IL1RAPL2: variants seen among roughly 807,000 people sequenced by gnomAD.
IL1RAPL2 encodes X-linked interleukin-1 receptor accessory protein-like 2.
Under a neutral mutation model 44.1 loss-of-function variants are expected in IL1RAPL2, and 3 were observed. The observed-to-expected ratio is 0.07, with a 90% confidence interval of 0.03 to 0.18. The LOEUF is 0.18. Among genes scored for constraint, IL1RAPL2 ranks in the 10% least tolerant of loss-of-function variants. The pLI, the probability that IL1RAPL2 is intolerant of heterozygous loss-of-function variation, is 1.00. For missense variants in IL1RAPL2, 391 were observed against 496.4 expected (o/e 0.79, Z 2.02); for synonymous variants, 181 against 178.8 (o/e 1.01, Z -0.10).
intron 2 of IL1RAPL2, among the ~76,000 whole-genome samples, chrX:105,139,694 A>T (rs2033108916): frequency 9.0e-6 from 1 of 111,508 alleles, no homozygotes; most frequent in Non-Finnish European, 1.9e-5. Flanking sequence ...AATCCCATTC[A>T]TGAGGGCTCT....
chrX:105,436,544 T>C (rs890936994), intron 5 of IL1RAPL2, among the ~76,000 whole-genome samples: 1 of 111,459 alleles, frequency 9.0e-6, no homozygotes, highest in Non-Finnish European at 1.9e-5. Context: ...TTTCTCTCAG[T>C]TTTCAGGATA....
At chrX:105,554,897 C>G (rs951883210) in intron 6 of IL1RAPL2, among the ~76,000 whole-genome samples, 1 of 110,744 alleles carries the variant, frequency 9.0e-6, no homozygotes, top group Non-Finnish European at 1.9e-5. Context: ...TTTCTATTGA[C>G]TGATTTTTTT....
chrX:105,095,791 G>T (rs2032597426), intron 2 of IL1RAPL2, among the ~76,000 whole-genome samples: 1 of 111,818 alleles, frequency 8.9e-6, no homozygotes, highest in African/African-American at 3.2e-5. Flanking sequence ...GGACAATGGT[G>T]TCTTAAATAT....
intron 5 of IL1RAPL2, among the ~76,000 whole-genome samples, chrX:105,384,202 C>A (rs2035459256): frequency 9.0e-6 from 1 of 111,528 alleles, no homozygotes; most frequent in African/African-American, 3.3e-5. Flanking sequence ...TGTCCTGAAG[C>A]ATTTCCCCAA....
chrX:105,168,175 G>A (rs2033387500), intron 2 of IL1RAPL2, among the ~76,000 whole-genome samples: 2 of 111,945 alleles, frequency 1.8e-5, no homozygotes, highest in African/African-American at 6.5e-5. Flanking sequence ...ACAGGCCTGG[G>A]ATGGCCAGCC....
intron 5 of IL1RAPL2, among the ~76,000 whole-genome samples, chrX:105,433,231 C>A (rs943525245): frequency 7.2e-5 from 8 of 110,640 alleles, no homozygotes; most frequent in African/African-American, 2.6e-4. Context: ...ACATTTCTCA[C>A]ATTTGTACAC....
intron 2 of IL1RAPL2, among the ~76,000 whole-genome samples, chrX:105,055,736 G>C (rs1469981247): frequency 9.0e-6 from 1 of 111,176 alleles, no homozygotes; most frequent in Non-Finnish European, 1.9e-5. Context: ...CTTTAGAATT[G>C]CCCACAGTTA....
At chrX:105,353,706 A>G (rs2035176730) in intron 5 of IL1RAPL2, among the ~76,000 whole-genome samples, 1 of 111,095 alleles carries the variant, frequency 9.0e-6, no homozygotes, top group Non-Finnish European at 1.9e-5. Flanking sequence ...TGTGAATGGG[A>G]GTTCACTCAT....
intron 2 of IL1RAPL2, among the ~76,000 whole-genome samples, chrX:104,664,828 T>G (rs1191746352): frequency 8.9e-6 from 1 of 111,733 alleles, no homozygotes; most frequent in Admixed American, 9.6e-5. Context: ...ATTTCCTTTT[T>G]CCACAGTGAG....
At chrX:105,178,296 A>G (rs1374476495) in intron 2 of IL1RAPL2, among the ~76,000 whole-genome samples, 1 of 111,910 alleles carries the variant, frequency 8.9e-6, no homozygotes, top group Non-Finnish European at 1.9e-5. Context: ...TCTGCAAATG[A>G]CAGGATTTCA....
At chrX:105,225,193 AC>A (rs1379215544) in intron 3 of IL1RAPL2, among the ~76,000 whole-genome samples, 5 of 112,041 alleles carry the variant, frequency 4.5e-5, no homozygotes, top group Non-Finnish European at 7.5e-5. Context: ...ATGGATTGCT[AC>A]ATATATATGT....
chrX:104,677,795 G>A (rs761523207), intron 2 of IL1RAPL2, among the ~76,000 whole-genome samples: 4 of 112,148 alleles, frequency 3.6e-5, no homozygotes, highest in South Asian at 7.7e-4. Context: ...ATTTAATCTC[G>A]TGGTGCGCCG....
chrX:104,878,996 G>A (rs1922985773), intron 2 of IL1RAPL2, among the ~76,000 whole-genome samples: 1 of 110,713 alleles, frequency 9.0e-6, no homozygotes, highest in South Asian at 3.8e-4. Flanking sequence ...ATTTCCAACC[G>A]AGCCAACCTC....
At chrX:105,352,465 T>G (rs1483154803) in intron 5 of IL1RAPL2, among the ~76,000 whole-genome samples, 2 of 111,925 alleles carry the variant, frequency 1.8e-5, no homozygotes, top group Non-Finnish European at 3.8e-5. Context: ...TCAGCATATC[T>G]TAAAAGAAAA....
intron 1 of IL1RAPL2, among the ~76,000 whole-genome samples, chrX:104,609,606 C>T (rs2148003703): frequency 9.0e-6 from 1 of 111,701 alleles, no homozygotes; most frequent in Admixed American, 9.6e-5. Context: ...AGTTGATCTT[C>T]AATTACTGAT....
At chrX:104,761,949 T>C (rs28865358) in intron 2 of IL1RAPL2, among the ~76,000 whole-genome samples, 2 of 85,277 alleles carry the variant, frequency 2.3e-5, no homozygotes, top group African/African-American at 1.1e-4. Flanking sequence ...CTTCTTCTTC[T>C]TCTTCTTCTT....
intron 4 of IL1RAPL2, among the ~76,000 whole-genome samples, chrX:105,267,022 C>T (rs984960137): frequency 2.7e-5 from 3 of 111,731 alleles, no homozygotes; most frequent in Non-Finnish European, 5.6e-5. Flanking sequence ...TAGGAAATAT[C>T]CTTGTCAAAT....
At chrX:104,866,065 A>G (rs1455944963) in intron 2 of IL1RAPL2, among the ~76,000 whole-genome samples, 2 of 112,305 alleles carry the variant, frequency 1.8e-5, no homozygotes, top group Non-Finnish European at 3.8e-5. Context: ...GTTATTTATA[A>G]TGGTACCTTT....
chrX:104,998,375 G>C (rs967760153), intron 2 of IL1RAPL2, among the ~76,000 whole-genome samples: 3 of 111,271 alleles, frequency 2.7e-5, no homozygotes, highest in African/African-American at 9.8e-5. Context: ...CAGTGAATGT[G>C]ACAACTTTTT....
Sources: gnomAD v4.1 joint callset for allele counts (sites outside exome capture counted in the v4.1 genomes callset) on GRCh38, gnomAD v4.1.1 for gene constraint, MANE v1.5 for transcripts, NCBI Gene and HGNC (gene_info 2026-07-23, HGNC 2026-07-21) for gene names.